DIAPH2: variants seen among roughly 807,000 people sequenced by gnomAD.
DIAPH2 encodes the protein diaphanous related formin 2, also known as protein diaphanous homolog 2.
A neutral mutation model predicts 92.7 loss-of-function variants in DIAPH2; 35 were observed. The ratio of observed to expected loss-of-function variants is 0.38; its 90% confidence interval spans 0.29 to 0.50. The LOEUF (loss-of-function observed/expected upper bound fraction) is 0.50, where lower values mean the gene tolerates loss of function less well. DIAPH2 is among the 20% of genes least tolerant of loss of function. The pLI is 0.94. For synonymous variants in DIAPH2, 301 were observed against 280.4 expected (o/e 1.07, Z -0.73); for missense variants, 701 against 819.5 (o/e 0.86, Z 1.77).
chrX:97,182,732 G>A (rs1055164328), intron 22 of DIAPH2, among the ~76,000 whole-genome samples: 3 of 111,610 alleles, frequency 2.7e-5, no homozygotes, highest in African/African-American at 9.8e-5. Flanking sequence ...TTTAAAAAGA[G>A]GAGAGCAGTA....
chrX:97,595,439 G>A (rs1212312044), intron 26 of DIAPH2, among the ~76,000 whole-genome samples: 1 of 111,931 alleles, frequency 8.9e-6, no homozygotes, highest in Non-Finnish European at 1.9e-5. Flanking sequence ...TGGTTAACCT[G>A]ATATTCAGAA....
chrX:97,057,978 A>G (rs2077315929), intron 17 of DIAPH2, among the ~76,000 whole-genome samples: 1 of 111,226 alleles, frequency 9.0e-6, no homozygotes, highest in Non-Finnish European at 1.9e-5. Context: ...TGTCAGTAAA[A>G]AAAAAAAAGG....
intron 22 of DIAPH2, among the ~76,000 whole-genome samples, chrX:97,212,607 T>TC (rs2147507005): frequency 9.4e-6 from 1 of 106,699 alleles, no homozygotes; most frequent in Non-Finnish European, 1.9e-5. Flanking sequence ...TTTTTTTTTT[T>TC]TCAAATTGTG....
intron 17 of DIAPH2, among the ~76,000 whole-genome samples, chrX:97,062,410 G>T (rs1222982653): frequency 8.9e-6 from 1 of 111,984 alleles, no homozygotes; most frequent in African/African-American, 3.2e-5. Context: ...GAGCTCTTAA[G>T]AGGTACAGGT....
At chrX:97,414,633 G>A (rs1313842007) in intron 25 of DIAPH2, among the ~76,000 whole-genome samples, 2 of 94,208 alleles carry the variant, frequency 2.1e-5, no homozygotes, top group African/African-American at 4.1e-5. Context: ...CAGCCTGGGC[G>A]ACAGAGCAAG....
At chrX:97,507,347 A>G (rs2070844393) in intron 26 of DIAPH2, among the ~76,000 whole-genome samples, 2 of 110,827 alleles carry the variant, frequency 1.8e-5, no homozygotes, top group Admixed American at 1.9e-4. Context: ...ATATTTCCAT[A>G]TGATGTAATA....
intron 4 of DIAPH2, among the ~76,000 whole-genome samples, chrX:96,878,324 G>C (rs1313580848): frequency 1.8e-5 from 2 of 111,503 alleles, no homozygotes; most frequent in African/African-American, 6.5e-5. Flanking sequence ...CCAAGGACCA[G>C]AATATTTGTT....
chrX:97,586,816 T>C (rs2071482167), intron 26 of DIAPH2, among the ~76,000 whole-genome samples: 1 of 111,946 alleles, frequency 8.9e-6, no homozygotes, highest in South Asian at 3.7e-4. Flanking sequence ...GCACACACTA[T>C]AACTCTCTTC....
intron 5 of DIAPH2, among the ~76,000 whole-genome samples, chrX:96,896,014 A>G (rs1219502127): frequency 8.9e-6 from 1 of 111,880 alleles, no homozygotes; most frequent in Non-Finnish European, 1.9e-5. Flanking sequence ...AATAGTTACT[A>G]CATTTTTTGA....
At chrX:96,936,128 G>A (rs142182035) in intron 10 of DIAPH2, among the ~76,000 whole-genome samples, 1,135 of 111,479 alleles carry the variant, frequency 0.01, 10 homozygotes, top group Non-Finnish European at 0.016. Context: ...TACTTGTTAT[G>A]TTTTATATGA....
At chrX:97,464,969 C>A (rs1602608134) in intron 26 of DIAPH2, among the ~76,000 whole-genome samples, 1 of 111,133 alleles carries the variant, frequency 9.0e-6, no homozygotes, top group Non-Finnish European at 1.9e-5. Flanking sequence ...CTGCCTCAGC[C>A]TCCCAAGTGC....
chrX:97,476,407 G>A (rs1408564843), intron 26 of DIAPH2, among the ~76,000 whole-genome samples: 3 of 111,718 alleles, frequency 2.7e-5, no homozygotes, highest in African/African-American at 9.8e-5. Context: ...CAAATGTAGA[G>A]GCACGCTAAA....
chrX:97,253,758 T>C, intron 23 of DIAPH2, among the ~76,000 whole-genome samples: 1 of 107,551 alleles, frequency 9.3e-6, no homozygotes, highest in East Asian at 2.8e-4. Flanking sequence ...TCAAAATGAA[T>C]AAATAAATAA....
chrX:97,419,387 A>G (rs770363479), intron 25 of DIAPH2, among the ~76,000 whole-genome samples: 1 of 112,760 alleles, frequency 8.9e-6, no homozygotes, highest in East Asian at 2.8e-4. Flanking sequence ...GCTATAAACT[A>G]AACATAATGA....
chrX:97,501,055 T>C (rs2070794740), intron 26 of DIAPH2, among the ~76,000 whole-genome samples: 1 of 106,667 alleles, frequency 9.4e-6, no homozygotes, highest in African/African-American at 3.4e-5. Flanking sequence ...TCCCCCACCA[T>C]TCCCCCTCCC....
chrX:97,600,492 A>ATACT lies in DIAPH2; in HGVS notation c.*1183_*1186dup, dbSNP rs1487599581. On this transcript the variant is annotated 3_prime_UTR_variant, in exon 27 of 27. Transcript: ENST00000324765. ...CTAAGTGAACTTCTCAATTATCATC[A>ATACT]TACTTACTTACCTTATATTAACAAA... 3 of 112,294 alleles carry ATACT rather than the reference A, an allele frequency of 2.7e-5. No individual in the cohort carries two copies. The highest frequency in any genetic ancestry group is 2.8e-4 in the East Asian group (1 of 3,613). 9.3% of individuals were successfully genotyped at this position (112,294 alleles called of 1,213,427 possible).
chrX:97,264,532 CAT>C (rs767520196), intron 23 of DIAPH2, among the ~76,000 whole-genome samples: 24 of 112,349 alleles, frequency 2.1e-4, no homozygotes, highest in African/African-American at 6.5e-4. Context: ...CACATGTACA[CAT>C]GTCTCTGATG....
At chrX:97,176,314 ACTCTTT>A (rs1366852144) in intron 22 of DIAPH2, among the ~76,000 whole-genome samples, 1 of 110,921 alleles carries the variant, frequency 9.0e-6, no homozygotes, top group Non-Finnish European at 1.9e-5. Context: ...TTATATCTTT[ACTCTTT>A]CTCTTATGCC....
At chrX:97,244,019 A>G (rs970089151) in intron 22 of DIAPH2, among the ~76,000 whole-genome samples, 4 of 111,774 alleles carry the variant, frequency 3.6e-5, no homozygotes, top group Admixed American at 1.9e-4. Flanking sequence ...TATAAAGGAA[A>G]CTGTTGTTTA....
Sources: gnomAD v4.1 joint callset for allele counts (sites outside exome capture counted in the v4.1 genomes callset) on GRCh38, gnomAD v4.1.1 for gene constraint, MANE v1.5 for transcripts, NCBI Gene and HGNC (gene_info 2026-07-23, HGNC 2026-07-21) for gene names.